CAMSAP2: variants seen among roughly 807,000 people sequenced by gnomAD.
CAMSAP2 encodes calmodulin-regulated spectrin-associated protein 2.
CAMSAP2 carries 26 observed loss-of-function variants against 146.1 expected under a neutral mutation model. The observed-to-expected ratio is 0.18, with a 90% CI of 0.13 to 0.25. CAMSAP2 has a LOEUF of 0.25. Ranked by LOEUF, CAMSAP2 falls within the 10% of genes least tolerant of loss-of-function variation. The pLI is 1.00. For synonymous variants in CAMSAP2, 499 were observed against 596.6 expected, an observed-to-expected ratio of 0.84 and a Z score of 2.38; for missense variants, 1,381 against 1,759.3, an observed-to-expected ratio of 0.78 and a Z score of 3.85.
chr1:200,805,510 C>T (rs1170129262), intron 2 of CAMSAP2, among the ~76,000 whole-genome samples: 1 of 152,206 alleles, frequency 6.6e-6, no homozygotes, highest in Non-Finnish European at 1.5e-5. Flanking sequence ...TGGTTCTCAA[C>T]CCTGGCTGCT....
chr1:200,834,553 G>T (rs1667137235), intron 6 of CAMSAP2, among the ~76,000 whole-genome samples: 1 of 152,116 alleles, frequency 6.6e-6, no homozygotes, highest in Admixed American at 6.6e-5. Flanking sequence ...ATAATATAAA[G>T]TCAATTCAGA....
At chr1:200,819,647 A>T (rs1666695864) in intron 4 of CAMSAP2, among the ~76,000 whole-genome samples, 1 of 152,162 alleles carries the variant, frequency 6.6e-6, no homozygotes, top group South Asian at 2.1e-4. Context: ...ATCTGTAAAA[A>T]TTAGAAGGTT....
chr1:200,769,260 A>G (rs1258477200), intron 2 of CAMSAP2, among the ~76,000 whole-genome samples: 1 of 152,180 alleles, frequency 6.6e-6, no homozygotes, highest in African/African-American at 2.4e-5. Context: ...GAACAGCTTT[A>G]TAAGTTTGAA....
chr1:200,802,234 C>T (rs1431690935), intron 2 of CAMSAP2, among the ~76,000 whole-genome samples: 2 of 152,024 alleles, frequency 1.3e-5, no homozygotes, highest in East Asian at 3.8e-4. Context: ...AATACTGGGG[C>T]CAACATGGAG....
Position 200,816,935 on chromosome 1 carries a change from CGTGT to C in CAMSAP2, c.645+1294_645+1297del, listed in dbSNP as rs1350624828. 3.2e-3 allele frequency among the ~76,000 whole-genome samples: 220 copies of C among 69,114 alleles called. 67 individuals are homozygous for C. Among genetic ancestry groups the C allele is most frequent in the African/African-American group, 7.5e-3 (115 of 15,362 alleles). 45.3% of individuals were successfully genotyped at this position (69,114 alleles called of 152,430 possible). The stretch of plus-strand genomic sequence containing the variant: ...GTGTGTATGTGTGTACACACACACG[CGTGT>C]GTATGTGTGTACACACACACGCGTG... On this transcript the variant is annotated intron_variant, in intron 4 of 16. Coordinates refer to ENST00000358823, the MANE Select transcript of CAMSAP2 (RefSeq NM_203459.4).
intron 2 of CAMSAP2, among the ~76,000 whole-genome samples, chr1:200,776,494 G>T (rs990865907): frequency 1.3e-5 from 2 of 152,180 alleles, no homozygotes; most frequent in Non-Finnish European, 2.9e-5. Flanking sequence ...CATCCTGCCT[G>T]TTTTAGAGGA....
At chr1:200,787,588 A>C (rs997442494) in intron 2 of CAMSAP2, among the ~76,000 whole-genome samples, 3 of 152,222 alleles carry the variant, frequency 2.0e-5, no homozygotes, top group African/African-American at 4.8e-5. Flanking sequence ...GATGCTGTGA[A>C]CATTGTTGAA....
chr1:200,793,206 A>G (rs553925875), intron 2 of CAMSAP2, among the ~76,000 whole-genome samples: 5 of 152,286 alleles, frequency 3.3e-5, no homozygotes, highest in Admixed American at 2.6e-4. Flanking sequence ...TTCCTCATCT[A>G]TAGTAAGCAA....
At position 200,842,086 on chromosome 1, in the gene CAMSAP2, A is replaced by G; in HGVS notation, c.1020A>G (p.Gly340=). 4 of 1,609,996 alleles carry G rather than the reference A, an allele frequency of 2.5e-6. No individual in the cohort carries two copies. Among genetic ancestry groups the G allele is most frequent in the Non-Finnish European group, 3.4e-6 (4 of 1,176,312 alleles). Residue 340 remains glycine (G), a splice_region_variant and synonymous_variant, in exon 7 of 17, where the codon GGA becomes GGG. Coordinates refer to ENST00000358823, the MANE Select transcript of CAMSAP2 (RefSeq NM_203459.4). Reference sequence around the variant, plus strand: ...AGCCTCGTGTTGTTCGTCCACAAGGAGGTAATCAATCTTTTTAATTTTAAA... The same window carrying G: ...AGCCTCGTGTTGTTCGTCCACAAGGGGGTAATCAATCTTTTTAATTTTAAA... ...FVQPRVVRPQ[G]AEPVKDMPSI...
chr1:200,767,710 G>A (rs1051473195), intron 2 of CAMSAP2, among the ~76,000 whole-genome samples: 3 of 152,120 alleles, frequency 2.0e-5, no homozygotes, highest in Non-Finnish European at 4.4e-5. Flanking sequence ...AAATTTATAA[G>A]CCAAACCTGT....
intron 3 of CAMSAP2, among the ~76,000 whole-genome samples, chr1:200,814,266 T>C (rs889703860): frequency 6.6e-6 from 1 of 152,110 alleles, no homozygotes; most frequent in African/African-American, 2.4e-5. Flanking sequence ...TGCTTAAAGA[T>C]ACATGGGTGT....
intron 1 of CAMSAP2, among the ~76,000 whole-genome samples, chr1:200,752,721 A>G (rs1285067274): frequency 2.6e-5 from 4 of 151,156 alleles, no homozygotes; most frequent in Non-Finnish European, 4.4e-5. Flanking sequence ...AGGTTCACAC[A>G]TTCTCCTGCC....
At chr1:200,839,114 T>G (rs1479114439) in intron 6 of CAMSAP2, among the ~76,000 whole-genome samples, 2 of 152,174 alleles carry the variant, frequency 1.3e-5, no homozygotes, top group Non-Finnish European at 2.9e-5. Context: ...GAGAATCATT[T>G]AGTAGCTGAT....
chr1:200,767,477 CTTTTTTTTT>C (rs11298176), intron 2 of CAMSAP2, among the ~76,000 whole-genome samples: 1 of 138,138 alleles, frequency 7.2e-6, no homozygotes, highest in African/African-American at 2.7e-5. Context: ...TGTTGTCCCT[CTTTTTTTTT>C]TTTTTTTTTA....
At chr1:200,854,744 C>G in intron 13 of CAMSAP2, 73 bp from the exon 14 acceptor site, 1 of 1,092,818 alleles carries the variant, frequency 9.2e-7, no homozygotes, top group Non-Finnish European at 1.4e-6. Flanking sequence ...TGAACAGACT[C>G]TTTGCTAGTT....
intron 2 of CAMSAP2, among the ~76,000 whole-genome samples, chr1:200,799,917 TG>T (rs1558182751): frequency 6.6e-6 from 1 of 152,142 alleles, no homozygotes; most frequent in African/African-American, 2.4e-5. Flanking sequence ...GCCTTAATTT[TG>T]TTATTTACCC....
intron 2 of CAMSAP2, among the ~76,000 whole-genome samples, chr1:200,789,817 TTGATTTTG>T (rs1392749091): frequency 6.6e-6 from 1 of 152,248 alleles, no homozygotes. Flanking sequence ...ATTTAGTTCT[TTGATTTTG>T]TTAATCAGTT....
intron 8 of CAMSAP2, among the ~76,000 whole-genome samples, chr1:200,845,839 C>T (rs1335677447): frequency 6.6e-6 from 1 of 152,146 alleles, no homozygotes; most frequent in African/African-American, 2.4e-5. Flanking sequence ...TGTTTTAGTA[C>T]ATAGTATTAG....
intron 4 of CAMSAP2, among the ~76,000 whole-genome samples, chr1:200,818,717 G>C (rs553778243): frequency 2.6e-5 from 4 of 152,036 alleles, no homozygotes; most frequent in Admixed American, 2.0e-4. Flanking sequence ...CTGTGTACTT[G>C]GTTTGACTGG....
Sources: gnomAD v4.1 joint callset for allele counts (sites outside exome capture counted in the v4.1 genomes callset) on GRCh38, gnomAD v4.1.1 for gene constraint, MANE v1.5 for transcripts, NCBI Gene and HGNC (gene_info 2026-07-23, HGNC 2026-07-21) for gene names.